Variants in TESC observed in about 807,000 individuals in gnomAD.
TESC encodes the protein calcineurin B homologous protein 3.
A neutral mutation model predicts 31.0 loss-of-function variants in TESC; 19 were observed. The observed-to-expected ratio is 0.61, with a 90% CI of 0.43 to 0.90. TESC has a LOEUF of 0.90. TESC is among the 40% of genes least tolerant of loss of function. TESC has a pLI of 0.00. For missense variants in TESC, 248 were observed against 303.8 expected (o/e 0.82, Z 1.36); for synonymous variants, 109 against 114.8 (o/e 0.95, Z 0.32).
intron 1 of TESC, among the ~76,000 whole-genome samples, chr12:117,092,328 C>T (rs577083025): frequency 2.4e-4 from 37 of 152,262 alleles, no homozygotes; most frequent in Non-Finnish European, 4.1e-4. Context: ...TCTGTGGCTG[C>T]GACAGATGGT....
intron 1 of TESC, among the ~76,000 whole-genome samples, chr12:117,089,894 T>C (rs1407288296): frequency 2.0e-5 from 3 of 151,784 alleles, no homozygotes; most frequent in Non-Finnish European, 4.4e-5. Flanking sequence ...CCAGGATAAA[T>C]AAAAATAAAT....
In TESC at chr12:117,039,025, T is replaced by C. The variant is rs909197665; in HGVS notation, c.*108A>G. ...AAGGTGCGCAGACGAGCCTTGGCTA[T>C]GTACCGGCGCTGCAGGAAGAGGCTG... On this transcript the variant is annotated 3_prime_UTR_variant, in exon 8 of 8. Transcript: ENST00000335209. 3 of 1,244,162 alleles carry C rather than the reference T, an allele frequency of 2.4e-6. No homozygotes were observed. Among genetic ancestry groups the C allele is most frequent in the South Asian group, 1.3e-5 (1 of 77,144 alleles). The allele number at this position is 1,244,162 out of a possible 1,614,324, so 77.1% of individuals were successfully genotyped here. A position where few individuals can be genotyped will look rare whatever the true frequency, so the allele number is the denominator to read the frequency against.
intron 1 of TESC, among the ~76,000 whole-genome samples, chr12:117,083,083 A>G (rs1955170428): frequency 1.6e-5 from 2 of 123,100 alleles, no homozygotes; most frequent in Admixed American, 7.4e-5. Flanking sequence ...ATTCTACTCC[A>G]AAACAATTTT....
intron 3 of TESC, among the ~76,000 whole-genome samples, chr12:117,053,241 A>C (rs766255178): frequency 2.6e-5 from 4 of 152,192 alleles, no homozygotes; most frequent in Non-Finnish European, 5.9e-5. Flanking sequence ...AAGGAGGAGG[A>C]GGCTACTGCC....
At chr12:117,061,487 G>A (rs1273971220) in intron 2 of TESC, among the ~76,000 whole-genome samples, 1 of 151,996 alleles carries the variant, frequency 6.6e-6, no homozygotes, top group East Asian at 1.9e-4. Flanking sequence ...CCTGACCCAT[G>A]TGCCTGGAGA....
intron 1 of TESC, among the ~76,000 whole-genome samples, chr12:117,090,437 C>A (rs1955291234): frequency 2.0e-5 from 3 of 152,202 alleles, no homozygotes; most frequent in Non-Finnish European, 4.4e-5. Context: ...ATAGCCAGCT[C>A]CTGAAGTGTT....
intron 1 of TESC, among the ~76,000 whole-genome samples, chr12:117,093,560 C>A (rs953282346): frequency 5.9e-5 from 9 of 152,334 alleles, no homozygotes; most frequent in Admixed American, 6.5e-5. Flanking sequence ...CACCAGCCTG[C>A]GACTCTACTT....
intron 2 of TESC, among the ~76,000 whole-genome samples, chr12:117,058,388 G>A (rs1177616209): frequency 6.6e-6 from 1 of 152,112 alleles, no homozygotes; most frequent in Non-Finnish European, 1.5e-5. Context: ...CAGGGGGTTG[G>A]GGAGAGGGGA....
intron 1 of TESC, among the ~76,000 whole-genome samples, chr12:117,093,940 G>GA (rs1363946594): frequency 1.3e-5 from 2 of 152,074 alleles, no homozygotes; most frequent in Non-Finnish European, 2.9e-5. Flanking sequence ...AGCAGACACG[G>GA]ATGGGGGGGA....
chr12:117,041,961 C>T lies in TESC; in HGVS notation c.553G>A (p.Glu185Lys), dbSNP rs1163546143. Residue 185 changes from glutamate to lysine, a missense_variant, in exon 7 of 8, where the codon GAG becomes AAG. By Grantham distance (56) the Glu-to-Lys change is moderately conservative. Transcript: ENST00000335209. ...PDQVYEGITF[E>K]DFLKIWQGID... ...AGGCCACCCACCTTCAGGAAGTCCT[C>T]GAAGGTGATCCCCTCGTACACCTGA... 6.3e-6 allele frequency: 10 copies of T among 1,592,612 alleles called. No homozygotes were observed. The highest frequency in any genetic ancestry group is 3.5e-5 in the Admixed American group (2 of 57,858).
chr12:117,048,268 A>G (rs1954597235), intron 4 of TESC, among the ~76,000 whole-genome samples: 1 of 152,222 alleles, frequency 6.6e-6, no homozygotes, highest in Non-Finnish European at 1.5e-5. Flanking sequence ...CCCTTGGAGC[A>G]GACAGGAAGC....
intron 2 of TESC, among the ~76,000 whole-genome samples, chr12:117,066,982 G>T (rs188042303): frequency 6.6e-6 from 1 of 152,082 alleles, no homozygotes; most frequent in South Asian, 2.1e-4. Context: ...GAACGCCTCC[G>T]CACCTTTTCA....
At chr12:117,067,870 TG>T (rs1486796572) in intron 2 of TESC, among the ~76,000 whole-genome samples, 2 of 152,212 alleles carry the variant, frequency 1.3e-5, no homozygotes, top group African/African-American at 4.8e-5. Context: ...TGCTGGCAGC[TG>T]GGCTCCCATT....
At chr12:117,097,550 C>T (rs1955411879) in intron 1 of TESC, among the ~76,000 whole-genome samples, 1 of 152,190 alleles carries the variant, frequency 6.6e-6, no homozygotes, top group South Asian at 2.1e-4. Context: ...GGAGAGGGCA[C>T]ATGAGAAATA....
chr12:117,064,472 C>G (rs543274616), intron 2 of TESC, among the ~76,000 whole-genome samples: 1 of 152,206 alleles, frequency 6.6e-6, no homozygotes, highest in African/African-American at 2.4e-5. Flanking sequence ...GTCAGTCCCC[C>G]ACTTTCCCCA....
intron 2 of TESC, among the ~76,000 whole-genome samples, chr12:117,063,131 T>C (rs1036974464): frequency 1.3e-5 from 2 of 152,110 alleles, no homozygotes; most frequent in Admixed American, 6.5e-5. Context: ...GTGGCAACAA[T>C]GATGATCCTA....
rs1160606749 is a variant in TESC, at chr12:117,083,536, G to C, written c.59-8196C>G. ...GGGTGAACAAAATGTGGCACATCCA[G>C]ATGACAGAACATTATTCAGCAAAAA... On this transcript the variant is annotated intron_variant, in intron 1 of 7. Coordinates refer to ENST00000335209, the MANE Select transcript of TESC (RefSeq NM_017899.4). Among the ~76,000 whole-genome samples, 4 of 151,702 alleles carry C rather than the reference G, an allele frequency of 2.6e-5. No individual in the cohort carries two copies. In the East Asian group the frequency reaches 7.7e-4, roughly 29 times the overall value.
chr12:117,045,130 A>C (rs560097224), intron 6 of TESC, among the ~76,000 whole-genome samples: 1 of 152,292 alleles, frequency 6.6e-6, no homozygotes, highest in East Asian at 1.9e-4. Context: ...TTACACCAGA[A>C]GGTATTTTAG....
Position 117,039,137 on chromosome 12 carries a change from T to A in TESC, c.641A>T (p.His214Leu). ...FLNMETMALC[H>L] ...CTCCGCGGAGGTGGCGGTGGGTCAG[T>A]GGCAGAGGGCCATGGTTTCCATGTT... Residue 214 changes from histidine (H) to leucine (L), a missense_variant, in exon 8 of 8, where the codon CAC becomes CTC. His to Leu is a moderately conservative substitution (Grantham distance 99). Coordinates refer to ENST00000335209, the MANE Select transcript of TESC (RefSeq NM_017899.4). 1.2e-6 allele frequency: 2 copies of A among 1,613,966 alleles called. No homozygotes were observed. Among genetic ancestry groups the A allele is most frequent in the Non-Finnish European group, 1.7e-6 (2 of 1,179,946 alleles).
Sources: allele counts gnomAD v4.1 joint callset (sites outside exome capture counted in the v4.1 genomes callset), GRCh38; gene constraint gnomAD v4.1.1; transcripts MANE v1.5; gene names NCBI Gene and HGNC (gene_info 2026-07-23, HGNC 2026-07-21).